Variants in CGNL1 observed in about 807,000 individuals in gnomAD.
CGNL1 encodes the protein cingulin-like protein 1.
CGNL1 carries 132 observed loss-of-function variants against 141.2 expected under a neutral mutation model. The ratio of observed to expected loss-of-function variants is 0.93; its 90% confidence interval spans 0.81 to 1.08. The LOEUF (loss-of-function observed/expected upper bound fraction) is 1.08. CGNL1 is among the 50% of genes least tolerant of loss of function. CGNL1 has a pLI of 0.00. For missense variants in CGNL1, 1,870 were observed against 1,588.6 expected (o/e 1.18, Z -3.01); for synonymous variants, 690 against 622.1 (o/e 1.11, Z -1.63).
At position 57,524,807 on chromosome 15, in the gene CGNL1, C is replaced by G. The variant is rs772419871; in HGVS notation, c.3039+56C>G. On this transcript the variant is annotated intron_variant, in intron 12 of 18. Coordinates refer to ENST00000281282, the MANE Select transcript of CGNL1 (RefSeq NM_032866.5). Reference sequence around the variant, plus strand: ...ATCCCTTATTCAAAGTATCCTTTGCCCTGAAAGTCTTCTGTGAGGGACTTG... The same window carrying G: ...ATCCCTTATTCAAAGTATCCTTTGCGCTGAAAGTCTTCTGTGAGGGACTTG... The G allele has an allele frequency of 4.5e-6, 7 of 1,555,464 alleles. No homozygotes were observed. In the East Asian group the frequency reaches 1.6e-4, roughly 36 times the overall value.
chr15:57,496,087 T>C (rs2063933973), intron 8 of CGNL1, among the ~76,000 whole-genome samples: 1 of 152,178 alleles, frequency 6.6e-6, no homozygotes, highest in Admixed American at 6.5e-5. Context: ...AGTGTGTGTT[T>C]CCTGGGAAAA....
intron 1 of CGNL1, among the ~76,000 whole-genome samples, chr15:57,395,471 C>T (rs189221883): frequency 2.6e-5 from 4 of 152,204 alleles, no homozygotes; most frequent in Admixed American, 6.5e-5. Context: ...TGCTGTGATT[C>T]GCGTTATGCA....
intron 8 of CGNL1, among the ~76,000 whole-genome samples, chr15:57,506,998 A>T (rs1384318637): frequency 2.6e-5 from 4 of 152,186 alleles, no homozygotes; most frequent in Non-Finnish European, 4.4e-5. Flanking sequence ...TTTTTTATAT[A>T]TTCACAATTT....
intron 10 of CGNL1, among the ~76,000 whole-genome samples, chr15:57,523,137 T>C (rs2031378393): frequency 2.0e-5 from 3 of 152,192 alleles, no homozygotes; most frequent in South Asian, 2.1e-4. Flanking sequence ...GTTTAGATTG[T>C]TGTAATGTAT....
intron 10 of CGNL1, among the ~76,000 whole-genome samples, chr15:57,520,293 G>C (rs1400427416): frequency 6.6e-6 from 1 of 152,188 alleles, no homozygotes; most frequent in Non-Finnish European, 1.5e-5. Context: ...CCTTTTGTTT[G>C]GTTACTCTTT....
chr15:57,541,226 G>A lies in CGNL1; in HGVS notation c.3292-2470G>A, dbSNP rs562450984. Among the ~76,000 whole-genome samples the A allele has an allele frequency of 5.3e-5, 8 of 152,352 alleles. No individual in the cohort carries two copies. The South Asian group carries it at 1.2e-3, about 24-fold the overall frequency. ...AGTTAGGCCACTGCTGTTTTTCTCT[G>A]TAATTGTTTCCCATTGCAGTGGAAA... On this transcript the variant is annotated intron_variant, in intron 14 of 18. Coordinates refer to ENST00000281282, the MANE Select transcript of CGNL1 (RefSeq NM_032866.5).
At chr15:57,384,361 CAATT>C (rs1256914300) in intron 1 of CGNL1, among the ~76,000 whole-genome samples, 15 of 152,126 alleles carry the variant, frequency 9.9e-5, no homozygotes, top group Non-Finnish European at 1.9e-4. Flanking sequence ...TTTACTATAG[CAATT>C]CTATGGGATA....
intron 1 of CGNL1, among the ~76,000 whole-genome samples, chr15:57,433,988 C>T (rs1940778674): frequency 2.3e-5 from 3 of 132,566 alleles, no homozygotes. Context: ...CTTGCAGAGC[C>T]ACCAATCTGC....
chr15:57,457,591 T>A (rs1178632670), intron 7 of CGNL1, among the ~76,000 whole-genome samples: 1 of 152,204 alleles, frequency 6.6e-6, no homozygotes, highest in Non-Finnish European at 1.5e-5. Flanking sequence ...GTACTCACAG[T>A]TCCATGTGGC....
rs369590681 is a variant in CGNL1, at chr15:57,504,865, A to T, written c.2404-11915A>T. On this transcript the variant is annotated intron_variant, in intron 8 of 18. Transcript: ENST00000281282. ...GAACTGGAAATATTAGGTGAACAGCACTAATGACCCTCACAGTGATTCATG... is the reference window on the plus strand; with the variant it reads ...GAACTGGAAATATTAGGTGAACAGCTCTAATGACCCTCACAGTGATTCATG... 1.3e-4 allele frequency among the ~76,000 whole-genome samples: 20 copies of T among 152,340 alleles called. No individual in the cohort carries two copies. In the East Asian group the frequency reaches 3.5e-3, roughly 26 times the overall value.
At chr15:57,392,937 C>T (rs577124488) in intron 1 of CGNL1, among the ~76,000 whole-genome samples, 1 of 152,224 alleles carries the variant, frequency 6.6e-6, no homozygotes, top group East Asian at 1.9e-4. Context: ...TAGGGATTTT[C>T]AACCTGATTG....
chr15:57,469,173 G>T (rs975541725), intron 8 of CGNL1, among the ~76,000 whole-genome samples: 2 of 152,170 alleles, frequency 1.3e-5, no homozygotes, highest in Admixed American at 1.3e-4. Context: ...GGTAGTAGGG[G>T]CTGACTGAGG....
chr15:57,488,671 TC>T (rs762758625), intron 8 of CGNL1, among the ~76,000 whole-genome samples: 4 of 152,162 alleles, frequency 2.6e-5, no homozygotes, highest in African/African-American at 4.8e-5. Context: ...CCTTTACATT[TC>T]AGGAGAGCTA....
In CGNL1 at chr15:57,482,877, C is replaced by T. The variant is rs185679937; in HGVS notation, c.2403+20985C>T. ...TCTGCTCACTGCAACCTCTGCCTTC[C>T]GGATTCAAGCAATTCTTCTGCCTCA... On this transcript the variant is annotated intron_variant, in intron 8 of 18. Coordinates refer to ENST00000281282, the MANE Select transcript of CGNL1 (RefSeq NM_032866.5). 2.9e-4 allele frequency among the ~76,000 whole-genome samples: 44 copies of T among 152,016 alleles called. No homozygotes were observed. In the East Asian group the frequency reaches 7.9e-3, roughly 27 times the overall value.
At chr15:57,407,066 A>C (rs545283449) in intron 1 of CGNL1, 2 of 152,270 alleles carry the variant, frequency 1.3e-5, no homozygotes, top group African/African-American at 4.8e-5. Flanking sequence ...TGATTATTGG[A>C]GACAGAAGTC....
chr15:57,522,132 C>A (rs1344172733), intron 10 of CGNL1, among the ~76,000 whole-genome samples: 3 of 152,188 alleles, frequency 2.0e-5, no homozygotes, highest in African/African-American at 7.2e-5. Flanking sequence ...CCACACTGAA[C>A]TTCTGATTAC....
At chr15:57,520,831 A>G (rs1424087090) in intron 10 of CGNL1, among the ~76,000 whole-genome samples, 1 of 152,212 alleles carries the variant, frequency 6.6e-6, no homozygotes, top group African/African-American at 2.4e-5. Flanking sequence ...AGGGACTCCA[A>G]GAAGACCAAC....
chr15:57,403,869 C>T (rs1197520530), intron 1 of CGNL1, among the ~76,000 whole-genome samples: 2 of 151,912 alleles, frequency 1.3e-5, no homozygotes, highest in African/African-American at 2.4e-5. Flanking sequence ...GTTGCCCCTG[C>T]CTTTTAGAAG....
chr15:57,474,376 T>C (rs1595742996), intron 8 of CGNL1, among the ~76,000 whole-genome samples: 2 of 152,346 alleles, frequency 1.3e-5, no homozygotes, highest in African/African-American at 2.4e-5. Context: ...CCACTGGCTC[T>C]AGCAGAACCC....
Sources: gnomAD v4.1 joint callset for allele counts (sites outside exome capture counted in the v4.1 genomes callset) on GRCh38, gnomAD v4.1.1 for gene constraint, MANE v1.5 for transcripts, NCBI Gene and HGNC (gene_info 2026-07-23, HGNC 2026-07-21) for gene names.